Variants in REXO5 observed in about 807,000 individuals in gnomAD.
REXO5 encodes the protein exonuclease NEF-sp.
Under a neutral mutation model 88.5 loss-of-function variants are expected in REXO5, and 48 were observed. The ratio of observed to expected loss-of-function variants is 0.54; its 90% confidence interval spans 0.43 to 0.69. REXO5 has a LOEUF of 0.69. Among genes scored for constraint, REXO5 ranks in the 30% least tolerant of loss-of-function variants. The pLI is 0.00. For synonymous variants in REXO5, 311 were observed against 336.5 expected (o/e 0.92, Z 0.83); for missense variants, 749 against 912.2 (o/e 0.82, Z 2.30).
intron 13 of REXO5, among the ~76,000 whole-genome samples, chr16:20,834,789 A>G (rs9302389): frequency 0.18 from 27,385 of 152,072 alleles, 2,691 homozygotes; most frequent in African/African-American, 0.27. Context: ...TACCTCTAGA[A>G]GTTAACTTTT....
At chr16:20,808,143 G>A (rs544261705) in intron 2 of REXO5, among the ~76,000 whole-genome samples, 1 of 152,128 alleles carries the variant, frequency 6.6e-6, no homozygotes, top group African/African-American at 2.4e-5. Context: ...GAATCACCCC[G>A]AAACCATCCC....
Position 20,844,832 on chromosome 16 carries a change from A to T in REXO5, c.1923A>T (p.Lys641Asn), listed in dbSNP as rs771640506. 2 of 1,613,818 alleles carry T rather than the reference A, an allele frequency of 1.2e-6. No individual in the cohort carries two copies. Among genetic ancestry groups the T allele is most frequent in the Non-Finnish European group, 1.7e-6 (2 of 1,179,858 alleles). Residue 641 changes from lysine (K) to asparagine (N), a missense_variant, in exon 17 of 20, where the codon AAA becomes AAT. Coordinates refer to ENST00000261377, the MANE Select transcript of REXO5 (RefSeq NM_030941.3). ...PKDLKSGKQK[K>N]YCFLKFKSFG... is the part of the protein sequence containing the mutation. ...ATCTTAAAAGTGGAAAGCAGAAAAA[A>T]TACTGTTTCCTGAGTAAGTCTATGC...
chr16:20,806,433 C>G (rs2080875359), upstream of REXO5: 2 of 1,553,556 alleles, frequency 1.3e-6, no homozygotes, highest in Non-Finnish European at 1.7e-6. Context: ...GTCGCCATTC[C>G]CGACACTCCT....
intron 4 of REXO5, among the ~76,000 whole-genome samples, chr16:20,815,778 C>T (rs931686309): frequency 6.6e-6 from 1 of 152,248 alleles, no homozygotes; most frequent in South Asian, 2.1e-4. Context: ...ACCTTTTTGC[C>T]GTGTGATACC....
intron 13 of REXO5, 28 bp from the exon 14 acceptor site, chr16:20,839,727 C>T (rs2081496055): frequency 6.6e-7 from 1 of 1,519,074 alleles, no homozygotes; most frequent in Non-Finnish European, 9.1e-7. Flanking sequence ...AGGTTCCTAC[C>T]TTATCCAGGC....
In REXO5 at chr16:20,821,749, G is replaced by A; in HGVS notation, c.476-13G>A. 6.4e-7 allele frequency: 1 copy of A among 1,562,584 alleles called. No homozygotes were observed. Among genetic ancestry groups the A allele is most frequent in the Non-Finnish European group, 8.6e-7 (1 of 1,161,572 alleles). ...CACACATTCTAATATACGTTCAATTGTTTTTCTTTCAGGGCCTTTACCTTC... is the reference window on the plus strand; with the variant it reads ...CACACATTCTAATATACGTTCAATTATTTTTCTTTCAGGGCCTTTACCTTC... On this transcript the variant is annotated splice_polypyrimidine_tract_variant and intron_variant, in intron 5 of 19. Transcript: ENST00000261377.
chr16:20,849,447 A>C lies in REXO5; in HGVS notation c.2292A>C (p.Glu764Asp). Residue 764 changes from glutamate (E) to aspartate (D), a missense_variant, in exon 20 of 20, where the codon GAA becomes GAC. Coordinates refer to ENST00000261377, the MANE Select transcript of REXO5 (RefSeq NM_030941.3). ...TAGGACTGATGGGAATAAAAGAGGA[A>C]GAAGAAAGCGCTGGCCCAGGCCTGT... ...SGLGLMGIKE[E>D]EESAGPGLCS The C allele has an allele frequency of 1.9e-6, 3 of 1,614,074 alleles. No individual in the cohort carries two copies. In the South Asian group the frequency reaches 3.3e-5, roughly 18 times the overall value.
At chr16:20,815,971 A>G (rs1370709535) in intron 4 of REXO5, 145 bp from the exon 5 acceptor site, 3 of 622,696 alleles carry the variant, frequency 4.8e-6, no homozygotes, top group East Asian at 2.7e-5. Context: ...ACTTTTCTAT[A>G]TTAAGGAAAC....
intron 13 of REXO5, among the ~76,000 whole-genome samples, chr16:20,838,735 C>T (rs1383388587): frequency 6.6e-6 from 1 of 152,184 alleles, no homozygotes; most frequent in Non-Finnish European, 1.5e-5. Context: ...CTTCTTCAGT[C>T]CTGTCAGCCT....
At chr16:20,847,648 T>C (rs984281753) in intron 19 of REXO5, among the ~76,000 whole-genome samples, 2 of 152,054 alleles carry the variant, frequency 1.3e-5, no homozygotes, top group East Asian at 1.9e-4. Flanking sequence ...GGTGCTTACA[T>C]TGAGGGGAAA....
At chr16:20,836,899 C>T (rs920535559) in intron 13 of REXO5, among the ~76,000 whole-genome samples, 3 of 152,166 alleles carry the variant, frequency 2.0e-5, no homozygotes, top group Non-Finnish European at 4.4e-5. Flanking sequence ...TTTTCATATG[C>T]TTATTTGCTA....
chr16:20,843,245 T>C (rs1014244895), intron 15 of REXO5, among the ~76,000 whole-genome samples: 9 of 152,242 alleles, frequency 5.9e-5, no homozygotes, highest in Non-Finnish European at 7.3e-5. Flanking sequence ...TATTGTTGAA[T>C]TGTAGGATTT....
At chr16:20,814,845 C>T (rs1469556838) in intron 3 of REXO5, 82 bp from the exon 4 acceptor site, 3 of 1,372,720 alleles carry the variant, frequency 2.2e-6, no homozygotes, top group African/African-American at 3.0e-5. Context: ...TTTCCTGCGC[C>T]TTCTCCCCTA....
At chr16:20,837,963 A>C (rs2152510279) in intron 13 of REXO5, among the ~76,000 whole-genome samples, 1 of 152,138 alleles carries the variant, frequency 6.6e-6, no homozygotes, top group Admixed American at 6.5e-5. Flanking sequence ...ATGAGGTCTC[A>C]TTATGTTGCC....
intron 3 of REXO5, 41 bp downstream of exon 3, chr16:20,813,343 T>TATTTTTTA: frequency 4.1e-6 from 4 of 966,782 alleles, no homozygotes; most frequent in Non-Finnish European, 4.5e-6. Context: ...ACCAGCGGTT[T>TATTTTTTA]CTTTTTTTTT....
chr16:20,840,586 T>C (rs943318238), intron 15 of REXO5, 118 bp downstream of exon 15: 2 of 840,650 alleles, frequency 2.4e-6, no homozygotes, highest in Non-Finnish European at 3.6e-6. Context: ...CCAACTGGAG[T>C]GTGAGACATA....
chr16:20,819,249 G>T (rs1465068882), intron 5 of REXO5, among the ~76,000 whole-genome samples: 1 of 151,852 alleles, frequency 6.6e-6, no homozygotes, highest in Admixed American at 6.6e-5. Context: ...TATTCCTTTA[G>T]AATATACCCA....
In REXO5 at chr16:20,849,424, G is replaced by C; in HGVS notation, c.2269G>C (p.Gly757Arg). Residue 757 changes from glycine to arginine, a missense_variant, in exon 20 of 20, where the codon GGA becomes CGA. Gly to Arg is a moderately radical substitution (Grantham distance 125, BLOSUM62 -2). Transcript: ENST00000261377. ...KSTHGSLSGL[G>R]LMGIKEEEES... ...CACTCATGGTTCACTCTCTGGTCTA[G>C]GACTGATGGGAATAAAAGAGGAAGA... 6.2e-7 allele frequency: 1 copy of C among 1,613,972 alleles called. No homozygotes were observed. Among genetic ancestry groups the C allele is most frequent in the Non-Finnish European group, 8.5e-7 (1 of 1,179,876 alleles).
At chr16:20,813,349 T>TC (rs2081031143) in intron 3 of REXO5, 47 bp downstream of exon 3, 7 of 793,182 alleles carry the variant, frequency 8.8e-6, no homozygotes, top group African/African-American at 8.5e-5. Context: ...GGTTTCTTTT[T>TC]TTTTTTTTTT....
Sources: allele counts gnomAD v4.1 joint callset (sites outside exome capture counted in the v4.1 genomes callset), GRCh38; gene constraint gnomAD v4.1.1; transcripts MANE v1.5; gene names NCBI Gene and HGNC (gene_info 2026-07-23, HGNC 2026-07-21).